MYCBP2: variants seen among roughly 807,000 people sequenced by gnomAD.
MYCBP2 encodes E3 ubiquitin-protein ligase MYCBP2.
MYCBP2 carries 120 observed loss-of-function variants against 525.3 expected under a neutral mutation model. The observed-to-expected ratio is 0.23, with a 90% CI of 0.20 to 0.27. The LOEUF is 0.27. MYCBP2 is among the 10% of genes least tolerant of loss of function. The pLI is 1.00. For synonymous variants in MYCBP2, 1,894 were observed against 1,955.8 expected (o/e 0.97, Z 0.83); for missense variants, 4,149 against 5,657.1 (o/e 0.73, Z 8.55).
intron 58 of MYCBP2, among the ~76,000 whole-genome samples, chr13:77,095,107 T>C (rs2046040698): frequency 1.3e-5 from 2 of 152,164 alleles, no homozygotes; most frequent in African/African-American, 4.8e-5. Context: ...ATAGCTATAG[T>C]CTTATTTTCT....
At chr13:77,173,890 TCA>T (rs2059372895) in intron 37 of MYCBP2, among the ~76,000 whole-genome samples, 1 of 152,242 alleles carries the variant, frequency 6.6e-6, no homozygotes, top group Non-Finnish European at 1.5e-5. Flanking sequence ...GGTCCAAGAT[TCA>T]CAGACATCAA....
At chr13:77,320,441 T>C (rs571758313) in intron 1 of MYCBP2, among the ~76,000 whole-genome samples, 2 of 152,288 alleles carry the variant, frequency 1.3e-5, no homozygotes, top group African/African-American at 4.8e-5. Flanking sequence ...CCAACTCTTC[T>C]TTGCAGAAGA....
chr13:77,105,306 A>G (rs2047683037), intron 55 of MYCBP2, among the ~76,000 whole-genome samples: 2 of 152,140 alleles, frequency 1.3e-5, no homozygotes, highest in South Asian at 4.1e-4. Flanking sequence ...CTCCTGGAAA[A>G]AAGTTTGAAG....
Position 77,196,054 on chromosome 13 carries a change from T to C in MYCBP2, c.3844-1810A>G, listed in dbSNP as rs188849576. Reference sequence around the variant, plus strand: ...TTGGGAGTAAGTCTATGGTTGGGAATTGAATTTACAGTTTTAAGTAGGCTT... The same window carrying C: ...TTGGGAGTAAGTCTATGGTTGGGAACTGAATTTACAGTTTTAAGTAGGCTT... On this transcript the variant is annotated intron_variant, in intron 26 of 82. Coordinates refer to ENST00000544440, the MANE Select transcript of MYCBP2 (RefSeq NM_015057.5). 2.7e-3 allele frequency among the ~76,000 whole-genome samples: 414 copies of C among 152,280 alleles called. 1 individual carries two copies. Among genetic ancestry groups the C allele is most frequent in the African/African-American group, 9.4e-3 (390 of 41,550 alleles).
Position 77,205,322 on chromosome 13 carries a change from G to C in MYCBP2, c.3777C>G (p.Asp1259Glu). The part of the protein sequence containing the change: ...HSVEAIRFSA[D>E]TDILLGGLGL... ...CAAGACCACCAAGTAAAATATCAGT[G>C]TCGGCACTGAAACGTATAGCTTCTA... Residue 1259 changes from aspartate (D) to glutamate (E), a missense_variant, in exon 26 of 83, where the codon GAC becomes GAG. Coordinates refer to ENST00000544440, the MANE Select transcript of MYCBP2 (RefSeq NM_015057.5). 1.9e-6 allele frequency: 3 copies of C among 1,613,740 alleles called. No individual in the cohort carries two copies. The highest frequency in any genetic ancestry group is 1.7e-6 in the Non-Finnish European group (2 of 1,179,794).
rs765105239 is a variant in MYCBP2 at position 77,098,380 on chromosome 13, T to C, written c.8774A>G (p.Gln2925Arg). 2.5e-6 allele frequency: 4 copies of C among 1,613,344 alleles called. No individual in the cohort carries two copies. In the African/African-American group the frequency reaches 5.3e-5, roughly 22 times the overall value. ...GACCACCTCACTGTGGAGGTTTTCC[T>C]GTACCACATGGGGAGAGGGAGCTCT... The part of the protein sequence containing the change: ...ENRAPSPHVV[Q>R]ENLHSEVVEV... The change falls in exon 56 of 83, where the codon CAG becomes CGG. Residue 2925 changes from glutamine to arginine, a missense_variant. Around this residue, in one of 21 missense-constraint regions of MYCBP2, gnomAD observed 653 missense variants for 744.7 expected, o/e 0.88. Coordinates refer to ENST00000544440, the MANE Select transcript of MYCBP2 (RefSeq NM_015057.5).
At chr13:77,245,838 A>G (rs760762742) in intron 15 of MYCBP2, among the ~76,000 whole-genome samples, 13 of 129,288 alleles carry the variant, frequency 1.0e-4, no homozygotes, top group South Asian at 2.5e-4. Context: ...ATATATATGT[A>G]TATATATATG....
Position 77,273,534 on chromosome 13 carries a change from T to C in MYCBP2, c.883A>G (p.Thr295Ala), listed in dbSNP as rs761869520. Residue 295 changes from threonine (T) to alanine (A), a missense_variant, in exon 5 of 83, where the codon ACA (threonine) becomes GCA (alanine). By Grantham distance (58) the Thr-to-Ala change is moderately conservative. Transcript: ENST00000544440. ...LVASWGETGR[T>A]LQAISAILTN... ...AGGATAGCAGAGATGGCCTGAAGTG[T>C]CCTTCCTGTTTCTCCCCAAGAAGCC... is the stretch of plus-strand genomic sequence containing the variant. 1.5e-5 allele frequency: 25 copies of C among 1,613,342 alleles called. No homozygotes were observed. The South Asian group carries it at 2.5e-4, about 16-fold the overall frequency.
At chr13:77,090,922 T>C (rs1005463996) in intron 59 of MYCBP2, among the ~76,000 whole-genome samples, 1 of 152,234 alleles carries the variant, frequency 6.6e-6, no homozygotes, top group Non-Finnish European at 1.5e-5. Flanking sequence ...AAGAGAGCTA[T>C]ACAATTTCCT....
intron 71 of MYCBP2, among the ~76,000 whole-genome samples, chr13:77,066,644 G>C (rs563742661): frequency 2.6e-5 from 4 of 152,280 alleles, no homozygotes; most frequent in African/African-American, 9.6e-5. Flanking sequence ...AGTAGAATTG[G>C]TAGGTCAAAA....
Position 77,171,472 on chromosome 13 carries a change from T to G in MYCBP2, c.5794+20A>C, listed in dbSNP as rs756192752. ...AATAAAGAATCTAAAATATGACTAC[T>G]GAGAAAGAAAAAATATTACCATCCA... On this transcript the variant is annotated intron_variant, in intron 38 of 82. Transcript: ENST00000544440. 1 of 1,605,234 alleles carries G rather than the reference T, an allele frequency of 6.2e-7. No individual in the cohort carries two copies. Among genetic ancestry groups the G allele is most frequent in the South Asian group, 1.1e-5 (1 of 89,270 alleles).
At chr13:77,309,591 T>G (rs2079907553) in intron 1 of MYCBP2, among the ~76,000 whole-genome samples, 2 of 152,322 alleles carry the variant, frequency 1.3e-5, no homozygotes, top group South Asian at 4.1e-4. Context: ...AAATCATTAT[T>G]ATATTTGCAC....
intron 42 of MYCBP2, 77 bp downstream of exon 42, chr13:77,165,196 G>A: frequency 3.9e-6 from 5 of 1,277,194 alleles, no homozygotes; most frequent in Non-Finnish European, 5.6e-6. Flanking sequence ...TACAATTTAA[G>A]TCAGTTAGAA....
At chr13:77,207,973 C>A (rs991614040) in intron 23 of MYCBP2, among the ~76,000 whole-genome samples, 8 of 146,232 alleles carry the variant, frequency 5.5e-5, no homozygotes, top group African/African-American at 2.0e-4. Flanking sequence ...CCCGCCCCAG[C>A]CCCAGATGAA....
intron 1 of MYCBP2, among the ~76,000 whole-genome samples, chr13:77,313,747 C>G (rs1175084689): frequency 1.3e-5 from 2 of 151,876 alleles, no homozygotes; most frequent in South Asian, 2.1e-4. Context: ...ATACCAAGAA[C>G]TTTTTTCCCC....
intron 38 of MYCBP2, among the ~76,000 whole-genome samples, chr13:77,170,146 C>T (rs1327945675): frequency 6.6e-6 from 1 of 152,160 alleles, no homozygotes; most frequent in Non-Finnish European, 1.5e-5. Context: ...CAACAGTATT[C>T]CTCTCATTTG....
intron 81 of MYCBP2, 76 bp from the exon 82 acceptor site, chr13:77,051,238 T>C (rs890757937): frequency 1.5e-6 from 2 of 1,290,648 alleles, no homozygotes; most frequent in East Asian, 4.9e-5. Context: ...GGCATATACA[T>C]AGACAGCTCC....
intron 36 of MYCBP2, 25 bp from the exon 37 acceptor site, chr13:77,174,514 CT>C: frequency 6.3e-7 from 1 of 1,590,626 alleles, no homozygotes; most frequent in Non-Finnish European, 8.6e-7. Flanking sequence ...TGTAAAACAT[CT>C]TTTATTCACA....
In MYCBP2 at chr13:77,288,330, T is replaced by A; in HGVS notation, c.425A>T (p.His142Leu). The A allele has an allele frequency of 1.2e-6, 2 of 1,614,168 alleles. No homozygotes were observed. The highest frequency in any genetic ancestry group is 1.7e-6 in the Non-Finnish European group (2 of 1,179,972). ...AATATTGAAAGCAGAAGGATTGCTA[T>A]GTAGTTTGATATCTGGTATGATTAC... ...NTVIIPDIKLHSNPSAFNIYC... is the reference protein window; with the variant it reads ...NTVIIPDIKLLSNPSAFNIYC... Residue 142 changes from histidine to leucine, a missense_variant, in exon 3 of 83, where the codon CAT becomes CTT. Around this residue, in one of 21 missense-constraint regions of MYCBP2, gnomAD observed 413 missense variants for 451.2 expected, o/e 0.92. Transcript: ENST00000544440.
Sources: allele counts gnomAD v4.1 joint callset (sites outside exome capture counted in the v4.1 genomes callset), GRCh38; gene constraint gnomAD v4.1.1; regional missense constraint gnomAD v4.1.1; transcripts MANE v1.5; gene names NCBI Gene and HGNC (gene_info 2026-07-23, HGNC 2026-07-21).